IL20: variants seen among roughly 807,000 people sequenced by gnomAD.
The protein encoded by IL20 is interleukin-20.
Under a neutral mutation model 19.2 loss-of-function variants are expected in IL20, and 22 were observed. The ratio of observed to expected loss-of-function variants is 1.15; its 90% CI spans 0.82 to 1.64. The LOEUF is 1.64. IL20 is among the 40% of genes most tolerant of loss of function. The pLI is 0.00. For missense variants in IL20, 215 were observed against 212.8 expected (o/e 1.01, Z -0.06); for synonymous variants, 70 against 76.2 (o/e 0.92, Z 0.43).
rs947959158 is a variant in IL20 at position 206,868,756 on chromosome 1, C to T, written c.*192C>T. The T allele has an allele frequency of 2.8e-6, 1 of 361,938 alleles. No individual in the cohort carries two copies. Among genetic ancestry groups the T allele is most frequent in the African/African-American group, 2.1e-5 (1 of 47,574 alleles). 22.4% of individuals were successfully genotyped at this position (361,938 alleles called of 1,614,324 possible). On this transcript the variant is annotated 3_prime_UTR_variant, in exon 6 of 6. Transcript: ENST00000367098. The stretch of plus-strand genomic sequence containing the variant: ...TATGCATCCCCAATCTTAATTGAGA[C>T]CATACTTGTATAAGATTTTTGTAAT...
rs1558631085 is a variant in IL20 at position 206,865,844 on chromosome 1, A to G, written c.-9A>G. ...CTAGCTCCTGTGGTCTCCAGATTTC[A>G]GGCCTAAGATGAAAGCCTCTAGTCT... On this transcript the variant is annotated 5_prime_UTR_variant, in exon 2 of 6. Transcript: ENST00000367098. The surrounding 1 kb of genome is among the most constrained non-coding windows in gnomAD (Gnocchi z 4.1). 1.2e-6 allele frequency: 2 copies of G among 1,613,590 alleles called. No individual in the cohort carries two copies. Among genetic ancestry groups the G allele is most frequent in the Non-Finnish European group, 1.7e-6 (2 of 1,179,746 alleles).
Position 206,869,155 on chromosome 1 carries a change from G to T in IL20, c.*591G>T. 6.6e-6 allele frequency: 1 copy of T among 152,240 alleles called. No homozygotes were observed. Among genetic ancestry groups the T allele is most frequent in the East Asian group, 1.9e-4 (1 of 5,336 alleles). 9.4% of individuals were successfully genotyped at this position (152,240 alleles called of 1,614,324 possible). On this transcript the variant is annotated 3_prime_UTR_variant, in exon 6 of 6. Transcript: ENST00000367098. ...GTAGACTCCCCAGTCCCATAATTGTGTATCTTCCAGCCAGGAATCCTACAC... is the reference window on the plus strand; with the variant it reads ...GTAGACTCCCCAGTCCCATAATTGTTTATCTTCCAGCCAGGAATCCTACAC...
At chr1:206,868,431 C>T in intron 5 of IL20, 56 bp from the exon 6 acceptor site, 1 of 1,348,450 alleles carries the variant, frequency 7.4e-7, no homozygotes, top group Non-Finnish European at 1.0e-6. Context: ...GAGATAGGTC[C>T]TGGAGCAAAT....
chr1:206,863,871 T>C (rs1677480477), upstream of IL20, among the ~76,000 whole-genome samples: 1 of 152,202 alleles, frequency 6.6e-6, no homozygotes, highest in Non-Finnish European at 1.5e-5. Context: ...TAAAATGAAT[T>C]GATCACTTGC....
Position 206,868,484 on chromosome 1 carries a change from C to A in IL20, c.454-3C>A. 1 of 1,588,390 alleles carries A rather than the reference C, an allele frequency of 6.3e-7. No homozygotes were observed. The highest frequency in any genetic ancestry group is 8.6e-7 in the Non-Finnish European group (1 of 1,166,814). On this transcript the variant is annotated splice_region_variant and splice_polypyrimidine_tract_variant and intron_variant, in intron 5 of 5. Coordinates refer to ENST00000367098, the MANE Select transcript of IL20 (RefSeq NM_018724.4). ...TAACCACATGGGTGTGTGTCTCTTT[C>A]AGCTGGAACCTCAGGCAGCAGTTGT...
chr1:206,864,768 TTTTG>T (rs1285143158), upstream of IL20, among the ~76,000 whole-genome samples: 1 of 152,198 alleles, frequency 6.6e-6, no homozygotes, highest in East Asian at 1.9e-4. Flanking sequence ...AATTTTGATA[TTTTG>T]TTTGTCATAA....
In IL20 at chr1:206,866,558, C is replaced by G; in HGVS notation, c.300C>G (p.Thr100=). 6.2e-7 allele frequency: 1 copy of G among 1,614,068 alleles called. No homozygotes were observed. The highest frequency in any genetic ancestry group is 8.5e-7 in the Non-Finnish European group (1 of 1,179,964). ...ACAGGGTATTTAAAAACTACCAGACCCCTGACCATTATACTCTCCGGAAGA... is the reference window on the plus strand; with the variant it reads ...ACAGGGTATTTAAAAACTACCAGACGCCTGACCATTATACTCTCCGGAAGA... ...YLDRVFKNYQ[T]PDHYTLRKIS... is the part of the protein sequence containing the mutation. The change falls in exon 4 of 6, where the codon ACC becomes ACG. Residue 100 remains threonine, a synonymous_variant. Coordinates refer to ENST00000367098, the MANE Select transcript of IL20 (RefSeq NM_018724.4).
chr1:206,866,944 T>G (rs543808427), intron 4 of IL20, among the ~76,000 whole-genome samples: 1 of 152,268 alleles, frequency 6.6e-6, no homozygotes, highest in African/African-American at 2.4e-5. Context: ...TACAGTATAT[T>G]AGTGCGTCCT....
chr1:206,866,939 T>C (rs988996873), intron 4 of IL20, among the ~76,000 whole-genome samples: 6 of 152,144 alleles, frequency 3.9e-5, no homozygotes, highest in Non-Finnish European at 7.4e-5. Flanking sequence ...TATCCTACAG[T>C]ATATTAGTGC....
Position 206,866,631 on chromosome 1 carries a change from C to A in IL20, c.373C>A (p.Leu125Ile), listed in dbSNP as rs1244287148. Residue 125 changes from leucine to isoleucine, a missense_variant, in exon 4 of 6, where the codon CTC (leucine) becomes ATC (isoleucine). Leu to Ile is a conservative substitution (Grantham distance 5, BLOSUM62 2). Coordinates refer to ENST00000367098, the MANE Select transcript of IL20 (RefSeq NM_018724.4). ...SFLTIKKDLRLCHAHMTCHCG... is the reference protein window; with the variant it reads ...SFLTIKKDLRICHAHMTCHCG... Reference sequence around the variant, plus strand: ...TCTTACCATCAAGAAGGACCTCCGGCTCTGTGTGAGTGTGGGTCTTGGGTG... The same window carrying A: ...TCTTACCATCAAGAAGGACCTCCGGATCTGTGTGAGTGTGGGTCTTGGGTG... 2 of 1,614,018 alleles carry A rather than the reference C, an allele frequency of 1.2e-6. No homozygotes were observed. The highest frequency in any genetic ancestry group is 1.7e-6 in the Non-Finnish European group (2 of 1,179,928).
chr1:206,864,536 A>G (rs946591834), upstream of IL20, among the ~76,000 whole-genome samples: 7 of 152,120 alleles, frequency 4.6e-5, no homozygotes, highest in Non-Finnish European at 8.8e-5. Flanking sequence ...TCATGACTTT[A>G]AGTTTAAATA....
chr1:206,865,958 G>A lies in IL20; in HGVS notation c.106G>A (p.Ala36Thr), dbSNP rs201859626. The change falls in exon 2 of 6, where the codon GCC becomes ACC. Residue 36 changes from alanine to threonine, a missense_variant. Coordinates refer to ENST00000367098, the MANE Select transcript of IL20 (RefSeq NM_018724.4). The surrounding 1 kb of genome is among the most constrained non-coding windows in gnomAD (Gnocchi z 4.1). ...ACTCAATTTGGGAAGCTGTGTGATC[G>A]CCACAAACCTTCAGGAAATACGAAA... ...KTLNLGSCVI[A>T]TNLQEIRNGF... The A allele has an allele frequency of 3.2e-5, 51 of 1,613,994 alleles. No homozygotes were observed. Among genetic ancestry groups the A allele is most frequent in the Non-Finnish European group, 4.2e-5 (50 of 1,180,028 alleles).
chr1:206,866,550 T>C lies in IL20; in HGVS notation c.292T>C (p.Tyr98His). The C allele has an allele frequency of 6.2e-7, 1 of 1,614,158 alleles. No homozygotes were observed. Among genetic ancestry groups the C allele is most frequent in the Non-Finnish European group, 8.5e-7 (1 of 1,179,990 alleles). ...RLYLDRVFKNYQTPDHYTLRK... is the reference protein window; with the variant it reads ...RLYLDRVFKNHQTPDHYTLRK... ...CTATCTGGACAGGGTATTTAAAAAC[T>C]ACCAGACCCCTGACCATTATACTCT... The change falls in exon 4 of 6, where the codon TAC (tyrosine) becomes CAC (histidine). Residue 98 changes from tyrosine (Y) to histidine (H), a missense_variant. Coordinates refer to ENST00000367098, the MANE Select transcript of IL20 (RefSeq NM_018724.4).
At chr1:206,866,154 T>C in intron 2 of IL20, 143 bp downstream of exon 2, 1 of 1,141,548 alleles carries the variant, frequency 8.8e-7, no homozygotes, top group Non-Finnish European at 1.3e-6. Context: ...TCCAAAGAAA[T>C]AACTGTAGTT....
Position 206,867,367 on chromosome 1 carries a change from C to A in IL20, c.379-17C>A. On this transcript the variant is annotated splice_polypyrimidine_tract_variant and intron_variant, in intron 4 of 5. Coordinates refer to ENST00000367098, the MANE Select transcript of IL20 (RefSeq NM_018724.4). The stretch of plus-strand genomic sequence containing the variant: ...AGAATCTGTAATATAATCTATTATT[C>A]TTTGGGTCCTTTTCAGCATGCCCAC... The A allele has an allele frequency of 3.1e-6, 5 of 1,609,638 alleles. No individual in the cohort carries two copies. Among genetic ancestry groups the A allele is most frequent in the Non-Finnish European group, 4.3e-6 (5 of 1,176,334 alleles).
chr1:206,867,526 T>C (rs891883248), intron 5 of IL20, 68 bp downstream of exon 5: 3 of 1,292,436 alleles, frequency 2.3e-6, no homozygotes, highest in Non-Finnish European at 3.4e-6. Context: ...GTAGGTGGGA[T>C]GGTTATTCAC....
intron 2 of IL20, 133 bp from the exon 3 acceptor site, chr1:206,866,166 A>G (rs1000506836): frequency 8.6e-7 from 1 of 1,161,800 alleles, no homozygotes; most frequent in Non-Finnish European, 1.3e-6. Context: ...ACTGTAGTTC[A>G]AATATTTAAA....
At position 206,865,753 on chromosome 1, in the gene IL20, A is replaced by C; in HGVS notation, c.-31+67A>C. 5.7e-5 allele frequency: 83 copies of C among 1,446,610 alleles called. No individual in the cohort carries two copies. Among genetic ancestry groups the C allele is most frequent in the East Asian group, 7.4e-5 (3 of 40,682 alleles). 89.6% of individuals were successfully genotyped at this position (1,446,610 alleles called of 1,614,324 possible). On this transcript the variant is annotated intron_variant, in intron 1 of 5. Transcript: ENST00000367098. This position sits in a 1 kb window ranked among gnomAD's most constrained non-coding sequence, Gnocchi z 4.1. ...GGCTGTTCTCTTCCCCTGACCCCCC[A>C]CCCCTCACCCCGTGGACACTTGGAG...
At chr1:206,866,246 C>A in intron 2 of IL20, 53 bp from the exon 3 acceptor site, 2 of 1,553,086 alleles carry the variant, frequency 1.3e-6, no homozygotes, top group Non-Finnish European at 1.8e-6. Context: ...ATATTGAAGA[C>A]CCTGGCAGCA....
Sources: gnomAD v4.1 joint callset for allele counts (sites outside exome capture counted in the v4.1 genomes callset) on GRCh38, gnomAD v4.1.1 for gene constraint, Gnocchi (gnomAD v3.1) non-coding constraint, MANE v1.5 for transcripts, NCBI Gene and HGNC (gene_info 2026-07-23, HGNC 2026-07-21) for gene names.